The following SLC36A3 variants were observed in gnomAD, a reference collection of about 807,000 sequenced individuals.
SLC36A3 encodes solute carrier family 36 member 3.
A neutral mutation model predicts 44.3 loss-of-function variants in SLC36A3; 35 were observed. The observed-to-expected ratio is 0.79, with a 90% CI of 0.60 to 1.05. The LOEUF is 1.05. Ranked by LOEUF, SLC36A3 falls within the 50% of genes least tolerant of loss-of-function variation. SLC36A3 has a pLI of 0.00. For missense variants in SLC36A3, 540 were observed against 578.7 expected (o/e 0.93, Z 0.69); for synonymous variants, 211 against 227.6 (o/e 0.93, Z 0.66).
Position 151,298,621 on chromosome 5 carries a change from G to T in SLC36A3, c.191C>A (p.Pro64His). 1.9e-6 allele frequency: 3 copies of T among 1,614,124 alleles called. No individual in the cohort carries two copies. Among genetic ancestry groups the T allele is most frequent in the Non-Finnish European group, 2.5e-6 (3 of 1,180,020 alleles). ...CAAGCCGGCATTCTTTATGGCCAGG[G>T]GAAGCCCCAGGAGCCCTGTGCCAAT... is the stretch of plus-strand genomic sequence containing the variant. ...CNIGTGLLGL[P>H]LAIKNAGLLV... Residue 64 changes from proline (P) to histidine (H), a missense_variant, in exon 2 of 10, where the codon CCC becomes CAC. Transcript: ENST00000335230.
rs757202419 is a variant in SLC36A3, at chr5:151,277,473, A to T, written c.1333T>A (p.Phe445Ile). ...TCATAGAGGGCTTGGTATGTCCCAA[A>T]TATACACCCTAAAAGGCCCACGATG... Reference protein sequence around the residue: ...ISIVGLLGCIFGTYQALYELP... With the variant: ...ISIVGLLGCIIGTYQALYELP... Residue 445 changes from phenylalanine to isoleucine, a missense_variant, in exon 10 of 10, where the codon TTT becomes ATT. Transcript: ENST00000335230. The T allele has an allele frequency of 6.2e-7, 1 of 1,614,178 alleles. No homozygotes were observed. Among genetic ancestry groups the T allele is most frequent in the South Asian group, 1.1e-5 (1 of 91,076 alleles).
chr5:151,292,732 C>T (rs1754804711), intron 4 of SLC36A3, among the ~76,000 whole-genome samples: 1 of 152,172 alleles, frequency 6.6e-6, no homozygotes, highest in African/African-American at 2.4e-5. Flanking sequence ...ACCTATAATC[C>T]CAGCACTTTG....
intron 5 of SLC36A3, 24 bp from the exon 6 acceptor site, chr5:151,287,488 C>T: frequency 1.9e-6 from 3 of 1,607,454 alleles, no homozygotes; most frequent in Non-Finnish European, 2.6e-6. Context: ...CAATGACAGG[C>T]AGTGTGGTTG....
At chr5:151,301,685 C>G (rs186227174) in intron 1 of SLC36A3, among the ~76,000 whole-genome samples, 3 of 150,246 alleles carry the variant, frequency 2.0e-5, no homozygotes, top group Non-Finnish European at 2.9e-5. Context: ...GAGCTGAGAT[C>G]GCGCCACTGC....
intron 8 of SLC36A3, among the ~76,000 whole-genome samples, chr5:151,282,281 G>T (rs897733782): frequency 1.3e-5 from 2 of 151,878 alleles, no homozygotes; most frequent in African/African-American, 4.8e-5. Context: ...CAATTCTCTT[G>T]CCTCAGCCTC....
intron 9 of SLC36A3, among the ~76,000 whole-genome samples, chr5:151,280,647 C>T (rs1754274255): frequency 6.6e-6 from 1 of 152,158 alleles, no homozygotes; most frequent in African/African-American, 2.4e-5. Context: ...GTGTATGACT[C>T]AGGTGTGTTA....
At chr5:151,290,901 A>G (rs1754737179) in intron 4 of SLC36A3, among the ~76,000 whole-genome samples, 1 of 149,944 alleles carries the variant, frequency 6.7e-6, no homozygotes, top group Non-Finnish European at 1.5e-5. Flanking sequence ...AATAATAATA[A>G]TTCAGTATGT....
chr5:151,289,505 A>AT (rs1029672452), intron 4 of SLC36A3, among the ~76,000 whole-genome samples: 2 of 152,048 alleles, frequency 1.3e-5, no homozygotes, highest in Non-Finnish European at 2.9e-5. Context: ...CAAAAAAAAA[A>AT]AGAAATTATT....
At chr5:151,302,271 G>A (rs1479495345) in intron 1 of SLC36A3, among the ~76,000 whole-genome samples, 1 of 152,148 alleles carries the variant, frequency 6.6e-6, no homozygotes, top group African/African-American at 2.4e-5. Flanking sequence ...GATGAGAGAG[G>A]GCATTTCCTG....
intron 1 of SLC36A3, 39 bp from the exon 2 acceptor site, chr5:151,298,722 G>A (rs1755046855): frequency 1.9e-6 from 3 of 1,604,116 alleles, no homozygotes; most frequent in Middle Eastern, 1.7e-4. Flanking sequence ...GGTACTGTTA[G>A]TGGAAGGGAA....
Position 151,301,662 on chromosome 5 carries a change from T to C in SLC36A3, c.128+1565A>G, listed in dbSNP as rs546718900. 4.6e-5 allele frequency among the ~76,000 whole-genome samples: 7 copies of C among 151,272 alleles called. No homozygotes were observed. In the East Asian group the frequency reaches 1.4e-3, roughly 29 times the overall value. On this transcript the variant is annotated intron_variant, in intron 1 of 9. Coordinates refer to ENST00000335230, the MANE Select transcript of SLC36A3 (RefSeq NM_181774.4). ...TTTGAGTGATAATAAAACTCCGGTC[T>C]CGAGCTTGCAGTGAGCTGAGATCGC... is the stretch of plus-strand genomic sequence containing the variant.
chr5:151,278,817 G>A (rs2127251348), intron 9 of SLC36A3, among the ~76,000 whole-genome samples: 1 of 152,344 alleles, frequency 6.6e-6, no homozygotes, highest in Non-Finnish European at 1.5e-5. Flanking sequence ...GCCGCTTATA[G>A]AGAAAACTCA....
chr5:151,282,359 G>C (rs1290677306), intron 8 of SLC36A3, among the ~76,000 whole-genome samples: 1 of 151,744 alleles, frequency 6.6e-6, no homozygotes, highest in Non-Finnish European at 1.5e-5. Flanking sequence ...GTAGAGACGG[G>C]GTTTCTCTAT....
chr5:151,293,650 C>T (rs1034288357), intron 3 of SLC36A3, among the ~76,000 whole-genome samples, 191 bp from the exon 4 acceptor site: 6 of 152,198 alleles, frequency 3.9e-5, no homozygotes, highest in Non-Finnish European at 8.8e-5. Context: ...GCAATTATCC[C>T]TTTAAGCACA....
At chr5:151,290,885 A>G (rs1192215962) in intron 4 of SLC36A3, among the ~76,000 whole-genome samples, 2 of 151,598 alleles carry the variant, frequency 1.3e-5, no homozygotes, top group African/African-American at 4.9e-5. Context: ...TCAAAATAAT[A>G]ATAATAATAA....
In SLC36A3 at chr5:151,277,529, C is replaced by G. The variant is rs761330081; in HGVS notation, c.1277G>C (p.Cys426Ser). Reference sequence around the variant, plus strand: ...CATGATGTCCTTGGCAATGGTGACACAGCTCATGTCCTCAGAGTAAAAGAT... The same window carrying G: ...CATGATGTCCTTGGCAATGGTGACAGAGCTCATGTCCTCAGAGTAAAAGAT... ...IVIFYSEDMS[C>S]VTIAKDIMIS... Residue 426 changes from cysteine (C) to serine (S), a missense_variant, in exon 10 of 10, where the codon TGT becomes TCT. Cys to Ser is a moderately radical substitution (Grantham distance 112). Coordinates refer to ENST00000335230, the MANE Select transcript of SLC36A3 (RefSeq NM_181774.4). The G allele has an allele frequency of 5.0e-6, 8 of 1,614,062 alleles. No homozygotes were observed. In the African/African-American group the frequency reaches 1.1e-4, roughly 22 times the overall value.
In SLC36A3 at chr5:151,281,123, C is replaced by T. The variant is rs1172638353; in HGVS notation, c.1035G>A (p.Gln345=). The change falls in exon 9 of 10, where the codon CAG becomes CAA. Residue 345 remains glutamine, a synonymous_variant. Coordinates refer to ENST00000335230, the MANE Select transcript of SLC36A3 (RefSeq NM_181774.4). ...SIGIFFTYAL[Q]FHVPAEIIIP... is the part of the protein sequence containing the mutation. ...TGATGATCTCAGCTGGGACGTGGAA[C>T]TGGAGGGCATAGGTGAAGAAGATGC... 2 of 1,614,132 alleles carry T rather than the reference C, an allele frequency of 1.2e-6. No homozygotes were observed. The highest frequency in any genetic ancestry group is 1.7e-5 in the Admixed American group (1 of 60,010).
At chr5:151,298,833 A>G (rs1755053024) in intron 1 of SLC36A3, 150 bp from the exon 2 acceptor site, 8 of 687,644 alleles carry the variant, frequency 1.2e-5, no homozygotes, top group Non-Finnish European at 1.5e-5. Context: ...TCTCAGTTCT[A>G]GGGGTCTGTC....
Position 151,293,455 on chromosome 5 carries a change from G to A in SLC36A3, c.313C>T (p.Gln105Ter), listed in dbSNP as rs1754836344. 6.2e-7 allele frequency: 1 copy of A among 1,612,364 alleles called. No individual in the cohort carries two copies. The highest frequency in any genetic ancestry group is 8.5e-7 in the Non-Finnish European group (1 of 1,179,060). Residue 105 changes from glutamine to a stop codon, truncating the protein, a stop_gained, in exon 4 of 10, where the codon CAG (glutamine) becomes TAG (stop). Coordinates refer to ENST00000335230, the MANE Select transcript of SLC36A3 (RefSeq NM_181774.4). LOFTEE classifies it high-confidence loss of function. ...TCTCCATAGTTCACAAAAGTCTTCT[G>A]CAGTCTAGGGGGAAAGAACAAACAA... The part of the protein sequence containing the change: ...NCAQHLSQRL[Q>*]KTFVNYGEAT...
Sources: allele counts gnomAD v4.1 joint callset (sites outside exome capture counted in the v4.1 genomes callset), GRCh38; gene constraint gnomAD v4.1.1; transcripts MANE v1.5; gene names NCBI Gene and HGNC (gene_info 2026-07-23, HGNC 2026-07-21).